SCFD2: variants seen among roughly 807,000 people sequenced by gnomAD.
SCFD2 encodes sec1 family domain containing 2, also known as sec1 family domain-containing protein 2.
Under a neutral mutation model 58.9 loss-of-function variants are expected in SCFD2, and 54 were observed. The observed-to-expected ratio is 0.92, with a 90% CI of 0.74 to 1.15. SCFD2 has a LOEUF of 1.15. Ranked by LOEUF, SCFD2 falls within the 50% of genes most tolerant of loss-of-function variation. SCFD2 has a pLI of 0.00. For missense variants in SCFD2, 805 were observed against 836.6 expected (o/e 0.96, Z 0.47); for synonymous variants, 321 against 335.9 (o/e 0.96, Z 0.49).
intron 5 of SCFD2, among the ~76,000 whole-genome samples, chr4:53,077,900 A>ACTTT (rs1293761926): frequency 6.6e-6 from 1 of 152,044 alleles, no homozygotes; most frequent in Non-Finnish European, 1.5e-5. Context: ...AATACATAGC[A>ACTTT]CTTTTCTTGG....
chr4:52,979,657 T>C (rs1004459727), intron 5 of SCFD2, among the ~76,000 whole-genome samples: 6 of 152,172 alleles, frequency 3.9e-5, no homozygotes, highest in Admixed American at 2.6e-4. Context: ...ATTAACTCAG[T>C]AAATCCCAAT....
At chr4:53,237,718 C>T (rs1729692486) in intron 4 of SCFD2, among the ~76,000 whole-genome samples, 1 of 126,108 alleles carries the variant, frequency 7.9e-6, no homozygotes, top group African/African-American at 3.0e-5. Flanking sequence ...GTAGGGGCGG[C>T]CAGGCAGAGG....
At chr4:52,954,775 A>G (rs1720672376) in intron 5 of SCFD2, among the ~76,000 whole-genome samples, 1 of 152,204 alleles carries the variant, frequency 6.6e-6, no homozygotes, top group African/African-American at 2.4e-5. Context: ...CATTAGCTCA[A>G]AGAGCTGGCG....
intron 2 of SCFD2, among the ~76,000 whole-genome samples, chr4:53,345,161 CAA>C (rs1734018558): frequency 6.6e-6 from 1 of 152,124 alleles, no homozygotes; most frequent in Admixed American, 6.5e-5. Flanking sequence ...AGTGAACAGG[CAA>C]CCTACAGAAT....
intron 5 of SCFD2, among the ~76,000 whole-genome samples, chr4:52,932,746 T>G (rs1720028956): frequency 6.6e-6 from 1 of 151,976 alleles, no homozygotes; most frequent in South Asian, 2.1e-4. Flanking sequence ...CTTTCTCCCC[T>G]CCCCCAACAC....
chr4:53,168,129 C>G (rs1727063696), intron 4 of SCFD2, among the ~76,000 whole-genome samples: 1 of 152,166 alleles, frequency 6.6e-6, no homozygotes, highest in Non-Finnish European at 1.5e-5. Flanking sequence ...CTTTAGATAA[C>G]AAGCCAACAA....
chr4:53,246,043 C>T (rs7655632), intron 4 of SCFD2, among the ~76,000 whole-genome samples: 87,683 of 151,852 alleles, frequency 0.58, 25,417 homozygotes, highest in Middle Eastern at 0.64. Flanking sequence ...CATTCCTATA[C>T]ACCAACAATA....
chr4:53,025,601 C>T (rs993879461), intron 5 of SCFD2, among the ~76,000 whole-genome samples: 1 of 152,158 alleles, frequency 6.6e-6, no homozygotes, highest in Non-Finnish European at 1.5e-5. Context: ...TCAGCATGTT[C>T]TGTTGTGATC....
chr4:53,331,505 A>G (rs1450014999), intron 2 of SCFD2, among the ~76,000 whole-genome samples: 1 of 152,258 alleles, frequency 6.6e-6, no homozygotes, highest in Non-Finnish European at 1.5e-5. Context: ...TACTGGATAC[A>G]TAACGAAATG....
At chr4:53,315,874 T>G (rs892082567) in intron 2 of SCFD2, among the ~76,000 whole-genome samples, 1 of 152,196 alleles carries the variant, frequency 6.6e-6, no homozygotes, top group Admixed American at 6.5e-5. Context: ...TAGGTAACGT[T>G]GTGGTTGCCC....
At chr4:53,009,271 A>G (rs1722045031) in intron 5 of SCFD2, among the ~76,000 whole-genome samples, 1 of 152,204 alleles carries the variant, frequency 6.6e-6, no homozygotes, top group Non-Finnish European at 1.5e-5. Context: ...TTAGAGTCCT[A>G]TCTTCCCAGA....
chr4:53,348,061 T>C (rs1227971833), intron 2 of SCFD2, among the ~76,000 whole-genome samples: 1 of 152,180 alleles, frequency 6.6e-6, no homozygotes, highest in Non-Finnish European at 1.5e-5. Context: ...TCTGCCTACT[T>C]CTTGTTGAAA....
chr4:52,899,486 C>A (rs539367754), intron 7 of SCFD2, among the ~76,000 whole-genome samples: 1 of 152,360 alleles, frequency 6.6e-6, no homozygotes, highest in African/African-American at 2.4e-5. Flanking sequence ...CCCCCACTCT[C>A]TTCTGGCTTG....
At chr4:53,119,950 C>T (rs1204581228) in intron 5 of SCFD2, among the ~76,000 whole-genome samples, 1 of 152,132 alleles carries the variant, frequency 6.6e-6, no homozygotes, top group African/African-American at 2.4e-5. Flanking sequence ...TAATTACCTT[C>T]CCTCAAACAG....
intron 4 of SCFD2, among the ~76,000 whole-genome samples, chr4:53,178,290 C>T (rs1260166924): frequency 6.6e-6 from 1 of 152,150 alleles, no homozygotes; most frequent in Non-Finnish European, 1.5e-5. Flanking sequence ...GGGTACTCCT[C>T]TGAGACAAAA....
At chr4:53,045,292 T>A (rs1048257599) in intron 5 of SCFD2, among the ~76,000 whole-genome samples, 1 of 152,320 alleles carries the variant, frequency 6.6e-6, no homozygotes, top group African/African-American at 2.4e-5. Flanking sequence ...TTTTTAGTTA[T>A]TAGTATTCAA....
chr4:53,210,628 A>G (rs572219757), intron 4 of SCFD2, among the ~76,000 whole-genome samples: 2 of 152,244 alleles, frequency 1.3e-5, no homozygotes, highest in Admixed American at 6.5e-5. Context: ...TATTTATGTT[A>G]TCATATATAT....
intron 4 of SCFD2, among the ~76,000 whole-genome samples, chr4:53,148,443 C>A (rs1157918301): frequency 6.6e-6 from 1 of 152,142 alleles, no homozygotes; most frequent in Non-Finnish European, 1.5e-5. Flanking sequence ...GAATATTGAC[C>A]AGTCTTAAAG....
At chr4:53,284,347 A>C (rs757811301) in intron 3 of SCFD2, among the ~76,000 whole-genome samples, 2 of 152,188 alleles carry the variant, frequency 1.3e-5, no homozygotes, top group Non-Finnish European at 1.5e-5. Context: ...TTATATAGAA[A>C]AAAGTTGGAA....
Sources: gnomAD v4.1 joint callset for allele counts (sites outside exome capture counted in the v4.1 genomes callset) on GRCh38, gnomAD v4.1.1 for gene constraint, MANE v1.5 for transcripts, NCBI Gene and HGNC (gene_info 2026-07-23, HGNC 2026-07-21) for gene names.